HECW1: variants seen among roughly 807,000 people sequenced by gnomAD.
The protein encoded by HECW1 is E3 ubiquitin-protein ligase HECW1.
In HECW1, 61 loss-of-function variants were observed where a neutral mutation model predicts 182.3. That is an observed-to-expected ratio of 0.33 (90% confidence interval 0.27 to 0.41). HECW1 has a LOEUF of 0.41. Ranked by LOEUF, HECW1 falls within the 10% of genes least tolerant of loss-of-function variation. HECW1 has a pLI of 1.00. For missense variants in HECW1, 1,739 were observed against 2,108.9 expected, an observed-to-expected ratio of 0.82 and a Z score of 3.44; for synonymous variants, 859 against 832.6, an observed-to-expected ratio of 1.03 and a Z score of -0.55.
chr7:43,550,026 C>T (rs895005507), intron 26 of HECW1, among the ~76,000 whole-genome samples: 3 of 151,974 alleles, frequency 2.0e-5, no homozygotes, highest in Non-Finnish European at 2.9e-5. Flanking sequence ...TGCAGTGGCT[C>T]CCAATACTTT....
chr7:43,235,373 C>T (rs1798237220), intron 2 of HECW1, among the ~76,000 whole-genome samples: 1 of 152,158 alleles, frequency 6.6e-6, no homozygotes, highest in South Asian at 2.1e-4. Flanking sequence ...TACTTGGGAA[C>T]AAATACTAGA....
intron 3 of HECW1, among the ~76,000 whole-genome samples, chr7:43,247,985 G>A (rs1337160884): frequency 7.3e-6 from 1 of 137,690 alleles, no homozygotes; most frequent in Non-Finnish European, 1.5e-5. Context: ...AAAGAAGGAA[G>A]GAAGAAGGAA....
Position 43,438,165 on chromosome 7 carries a change from C to A in HECW1, c.944+20C>A. 2 of 1,605,640 alleles carry A rather than the reference C, an allele frequency of 1.2e-6. No homozygotes were observed. The highest frequency in any genetic ancestry group is 1.1e-5 in the South Asian group (1 of 90,306). ...CATAGGGTAAACCTGTGACTGAGAT[C>A]TTACTATCACTAGGTTCCCACCAAC... On this transcript the variant is annotated intron_variant, in intron 9 of 29. Coordinates refer to ENST00000395891, the MANE Select transcript of HECW1 (RefSeq NM_015052.5).
chr7:43,483,311 G>T (rs894358852), intron 17 of HECW1, among the ~76,000 whole-genome samples: 1 of 152,048 alleles, frequency 6.6e-6, no homozygotes, highest in Non-Finnish European at 1.5e-5. Context: ...TACCTTGCAG[G>T]ACTTTTTTTC....
intron 5 of HECW1, among the ~76,000 whole-genome samples, chr7:43,330,581 A>C (rs1189662143): frequency 6.6e-6 from 1 of 152,236 alleles, no homozygotes. Context: ...AGGGAGGAGA[A>C]ACCATCAAGG....
intron 4 of HECW1, among the ~76,000 whole-genome samples, chr7:43,319,243 C>T (rs946812971): frequency 3.3e-5 from 5 of 151,184 alleles, no homozygotes; most frequent in African/African-American, 7.3e-5. Context: ...AAAAATTAGC[C>T]GGGCGCGGTG....
At chr7:43,529,442 A>G (rs76578825) in intron 24 of HECW1, among the ~76,000 whole-genome samples, 2,076 of 152,294 alleles carry the variant, frequency 0.014, 45 homozygotes, top group African/African-American at 0.047. Context: ...AGAAAATGAA[A>G]TAATTCCAAG....
chr7:43,395,662 G>C (rs1252734526), intron 6 of HECW1, among the ~76,000 whole-genome samples: 1 of 152,140 alleles, frequency 6.6e-6, no homozygotes, highest in African/African-American at 2.4e-5. Context: ...CATCACATTT[G>C]GGCTTCAGGG....
chr7:43,538,558 G>A (rs148912395), intron 24 of HECW1, among the ~76,000 whole-genome samples: 8 of 152,286 alleles, frequency 5.3e-5, no homozygotes, highest in Admixed American at 1.3e-4. Context: ...ACCCAGAGTA[G>A]CAACCTCTCC....
chr7:43,401,094 G>A (rs966336221), intron 7 of HECW1, among the ~76,000 whole-genome samples: 2 of 152,222 alleles, frequency 1.3e-5, no homozygotes, highest in Non-Finnish European at 2.9e-5. Context: ...ACTCTGCAGA[G>A]TCCCTTTTAC....
chr7:43,374,451 TC>T (rs2074238031), intron 6 of HECW1, among the ~76,000 whole-genome samples: 1 of 151,448 alleles, frequency 6.6e-6, no homozygotes, highest in Non-Finnish European at 1.5e-5. Context: ...AACAAAATCA[TC>T]CCCAACCCAG....
chr7:43,375,899 A>AC (rs2074303636), intron 6 of HECW1, among the ~76,000 whole-genome samples: 2 of 150,814 alleles, frequency 1.3e-5, no homozygotes, highest in South Asian at 4.2e-4. Flanking sequence ...TCAAAAAAAA[A>AC]AAAAAAAAGG....
In HECW1 at chr7:43,563,892, A is replaced by C. The variant is rs2082272588; in HGVS notation, c.*1966A>C. Reference sequence around the variant, plus strand: ...TAAAAAAAAAATAAATAAAAATAAAAGCATTTTTTTAGTAGGAATTATCTA... The same window carrying C: ...TAAAAAAAAAATAAATAAAAATAAACGCATTTTTTTAGTAGGAATTATCTA... On this transcript the variant is annotated 3_prime_UTR_variant, in exon 30 of 30. Coordinates refer to ENST00000395891, the MANE Select transcript of HECW1 (RefSeq NM_015052.5). 2 of 182,894 alleles carry C rather than the reference A, an allele frequency of 1.1e-5. No homozygotes were observed. Among genetic ancestry groups the C allele is most frequent in the African/African-American group, 4.7e-5 (2 of 42,464 alleles). The allele number at this position is 182,894 out of a possible 1,614,324, so 11.3% of individuals were successfully genotyped here.
At chr7:43,468,897 C>T in intron 15 of HECW1, 23 bp from the exon 16 acceptor site, 1 of 1,612,362 alleles carries the variant, frequency 6.2e-7, no homozygotes, top group Non-Finnish European at 8.5e-7. Context: ...ACTCCTTACC[C>T]CGTCCGCCCT....
chr7:43,401,643 G>T (rs563310831), intron 7 of HECW1, among the ~76,000 whole-genome samples: 2 of 127,816 alleles, frequency 1.6e-5, no homozygotes, highest in African/African-American at 6.1e-5. Context: ...ACGTACAAAA[G>T]AACAATCCTC....
At chr7:43,434,554 T>G (rs1280954683) in intron 8 of HECW1, among the ~76,000 whole-genome samples, 1 of 152,168 alleles carries the variant, frequency 6.6e-6, no homozygotes, top group African/African-American at 2.4e-5. Flanking sequence ...TGTACTGGCT[T>G]GAGGCTCATG....
At chr7:43,139,321 A>G (rs1175624717) in intron 2 of HECW1, among the ~76,000 whole-genome samples, 2 of 152,230 alleles carry the variant, frequency 1.3e-5, no homozygotes, top group Non-Finnish European at 2.9e-5. Context: ...TAATCAGAGT[A>G]AAATGGAAGT....
rs143692358 is a variant in HECW1 at position 43,565,365 on chromosome 7, T to C, written c.*3439T>C. The C allele has an allele frequency of 5.0e-3, 1,020 of 205,818 alleles. 15 individuals are homozygous for C. Among genetic ancestry groups the C allele is most frequent in the African/African-American group, 0.022 (956 of 43,804 alleles). 12.7% of individuals were successfully genotyped at this position (205,818 alleles called of 1,614,324 possible). A position where few individuals can be genotyped will look rare whatever the true frequency, so the allele number is the denominator to read the frequency against. ...TATGTCCTTGAACAGTAAGTATATT[T>C]GTGTGGCAAGCCAATGGCTGAGTTT... On this transcript the variant is annotated 3_prime_UTR_variant, in exon 30 of 30. Coordinates refer to ENST00000395891, the MANE Select transcript of HECW1 (RefSeq NM_015052.5).
chr7:43,464,088 T>C (rs2077676613), intron 14 of HECW1, among the ~76,000 whole-genome samples: 1 of 152,198 alleles, frequency 6.6e-6, no homozygotes, highest in South Asian at 2.1e-4. Context: ...GGAGCTGAGT[T>C]TGCTACAGTG....
Sources: allele counts gnomAD v4.1 joint callset (sites outside exome capture counted in the v4.1 genomes callset), GRCh38; gene constraint gnomAD v4.1.1; transcripts MANE v1.5; gene names NCBI Gene and HGNC (gene_info 2026-07-23, HGNC 2026-07-21).